Variants in TST observed in about 807,000 individuals in gnomAD.
TST encodes thiosulfate sulfurtransferase.
Under a neutral mutation model 20.4 loss-of-function variants are expected in TST, and 22 were observed. The ratio of observed to expected loss-of-function variants is 1.08; its 90% CI spans 0.77 to 1.54. TST has a LOEUF of 1.54. TST is among the 40% of genes most tolerant of loss of function. The probability of loss-of-function intolerance (pLI) is 0.00; values close to 1 mark genes in which losing one functional copy is unlikely to be tolerated. For missense variants in TST, 392 were observed against 405.2 expected (o/e 0.97, Z 0.28); for synonymous variants, 187 against 173.8 (o/e 1.08, Z -0.60).
intron 2 of TST, among the ~76,000 whole-genome samples, chr22:37,017,510 A>C (rs1423172893): frequency 6.6e-6 from 1 of 152,062 alleles, no homozygotes; most frequent in Non-Finnish European, 1.5e-5. Flanking sequence ...CCCCGCTGCC[A>C]AAACAGGGGC....
chr22:37,016,037 G>A lies in TST; in HGVS notation c.595+2101C>T, dbSNP rs1274592360. Among the ~76,000 whole-genome samples the A allele has an allele frequency of 4.8e-5, 7 of 144,916 alleles. No individual in the cohort carries two copies. In the East Asian group the frequency reaches 8.0e-4, roughly 17 times the overall value. Reference sequence around the variant, plus strand: ...TGGCTCACTGCAACCTCCACCTCCCGGGTTCAAGCGATTCTCCTGCCTCAG... The same window carrying A: ...TGGCTCACTGCAACCTCCACCTCCCAGGTTCAAGCGATTCTCCTGCCTCAG... On this transcript the variant is annotated intron_variant, in intron 2 of 2. Transcript: ENST00000249042.
chr22:37,018,851 C>T, intron 1 of TST, 98 bp from the exon 2 acceptor site: 1 of 851,446 alleles, frequency 1.2e-6, no homozygotes. Context: ...TCTCCCTCCG[C>T]ACTCCCCCGG....
In TST at chr22:37,018,649, G is replaced by T. The variant is rs1466108922; in HGVS notation, c.84C>A (p.Gly28=). ...ACCAGGACGCGTCCAGCACCCGCAG[G>T]CCGGGCCCCAGCTTGCCAGTCCTGA... is the stretch of plus-strand genomic sequence containing the variant. The part of the protein sequence containing the change: ...ESIRTGKLGP[G]LRVLDASWYS... Residue 28 remains glycine, a synonymous_variant, in exon 2 of 3, where the codon GGC becomes GGA. Coordinates refer to ENST00000249042, the MANE Select transcript of TST (RefSeq NM_003312.6). 1.9e-6 allele frequency: 3 copies of T among 1,564,350 alleles called. No homozygotes were observed. The highest frequency in any genetic ancestry group is 2.6e-6 in the Non-Finnish European group (3 of 1,154,800).
At chr22:37,011,782 C>A (rs1922488640) in intron 2 of TST, among the ~76,000 whole-genome samples, 1 of 152,230 alleles carries the variant, frequency 6.6e-6, no homozygotes, top group African/African-American at 2.4e-5. Context: ...GCCAGGCCCT[C>A]TGGGAGATTC....
At chr22:37,018,819 G>A (rs983687700) in intron 1 of TST, 66 bp from the exon 2 acceptor site, 6 of 1,174,186 alleles carry the variant, frequency 5.1e-6, no homozygotes, top group Non-Finnish European at 5.8e-6. Flanking sequence ...GTGCAGTAGG[G>A]TGAGGCCTGG....
At chr22:37,011,828 C>T (rs1922490218) in intron 2 of TST, among the ~76,000 whole-genome samples, 1 of 152,206 alleles carries the variant, frequency 6.6e-6, no homozygotes, top group Non-Finnish European at 1.5e-5. Flanking sequence ...AAACAGATAA[C>T]CACATAACTA....
Position 37,018,278 on chromosome 22 carries a change from A to G in TST, c.455T>C (p.Val152Ala). 6.2e-7 allele frequency: 1 copy of G among 1,614,004 alleles called. No homozygotes were observed. The highest frequency in any genetic ancestry group is 8.5e-7 in the Non-Finnish European group (1 of 1,180,004). Residue 152 changes from valine to alanine, a missense_variant, in exon 2 of 3, where the codon GTC becomes GCC. Physicochemically the swap from Val to Ala is moderately conservative, Grantham distance 64 (BLOSUM62 0). Coordinates refer to ENST00000249042, the MANE Select transcript of TST (RefSeq NM_003312.6). ...GGAGCGGTCCAGTGTGGCTTTGAAG[A>G]CGGCCGGTTCTGGGCGTGAGGGCTC... is the stretch of plus-strand genomic sequence containing the variant. ...TSEPSRPEPAVFKATLDRSLL... is the reference protein window; with the variant it reads ...TSEPSRPEPAAFKATLDRSLL...
chr22:37,011,508 A>G (rs1308272151), intron 2 of TST, among the ~76,000 whole-genome samples, 183 bp from the exon 3 acceptor site: 1 of 152,196 alleles, frequency 6.6e-6, no homozygotes, highest in Non-Finnish European at 1.5e-5. Flanking sequence ...ATGACTTAAG[A>G]TGCCTGCAAC....
At chr22:37,019,984 C>G (rs1922941096), upstream of TST, 2 of 518,398 alleles carry the variant, frequency 3.9e-6, no homozygotes, top group Non-Finnish European at 6.0e-6. Flanking sequence ...GGGGCTTAGT[C>G]TAGGAGAGAA....
At chr22:37,019,119 G>A (rs1435449002) in intron 1 of TST, 2 of 181,994 alleles carry the variant, frequency 1.1e-5, no homozygotes, top group Non-Finnish European at 2.3e-5. Flanking sequence ...GGCATCTTGG[G>A]CTTAGAATCC....
chr22:37,014,002 G>C (rs1382308563), intron 2 of TST, among the ~76,000 whole-genome samples: 1 of 152,172 alleles, frequency 6.6e-6, no homozygotes, highest in Non-Finnish European at 1.5e-5. Flanking sequence ...GGAGCTCAGG[G>C]CCTGTCTGGG....
chr22:37,015,697 C>A (rs1284897596), intron 2 of TST, among the ~76,000 whole-genome samples: 1 of 152,212 alleles, frequency 6.6e-6, no homozygotes, highest in Non-Finnish European at 1.5e-5. Context: ...AGGTCTGCCA[C>A]CCCCATGCCC....
Position 37,018,644 on chromosome 22 carries a change from C to A in TST, c.89G>T (p.Arg30Leu). 1 of 1,567,432 alleles carries A rather than the reference C, an allele frequency of 6.4e-7. No homozygotes were observed. The highest frequency in any genetic ancestry group is 8.6e-7 in the Non-Finnish European group (1 of 1,156,072). The change falls in exon 2 of 3, where the codon CGG becomes CTG. Residue 30 changes from arginine to leucine, a missense_variant. Arg to Leu is a moderately radical substitution (Grantham distance 102). Transcript: ENST00000249042. ...TGAGTACCAGGACGCGTCCAGCACCCGCAGGCCGGGCCCCAGCTTGCCAGT... is the reference window on the plus strand; with the variant it reads ...TGAGTACCAGGACGCGTCCAGCACCAGCAGGCCGGGCCCCAGCTTGCCAGT... The part of the protein sequence containing the change: ...IRTGKLGPGL[R>L]VLDASWYSPG...
upstream of TST, chr22:37,020,003 G>A: frequency 2.2e-6 from 1 of 456,850 alleles, no homozygotes; most frequent in Non-Finnish European, 3.6e-6. Context: ...AAGGCGCGCC[G>A]CTACGTTGGC....
rs372373118 is a variant in TST, at chr22:37,012,719, G to A, written c.596-1394C>T. ...ACAGCCAAGCAGGCCCTGAACCTCCGAGCCTCAGTCTCCCTCCTGCAGAAC... is the reference window on the plus strand; with the variant it reads ...ACAGCCAAGCAGGCCCTGAACCTCCAAGCCTCAGTCTCCCTCCTGCAGAAC... On this transcript the variant is annotated intron_variant, in intron 2 of 2. Transcript: ENST00000249042. Among the ~76,000 whole-genome samples the A allele has an allele frequency of 1.5e-4, 23 of 152,270 alleles. No homozygotes were observed. The South Asian group carries it at 4.6e-3, about 30-fold the overall frequency.
chr22:37,011,214 T>A lies in TST; in HGVS notation c.707A>T (p.Lys236Met). The A allele has an allele frequency of 6.2e-7, 1 of 1,613,964 alleles. No individual in the cohort carries two copies. The highest frequency in any genetic ancestry group is 1.1e-5 in the South Asian group (1 of 91,080). ...PEELRALFQT[K>M]KVDLSQPLIA... ...GAGAGGCTGCGAGAGATCCACCTTC[T>A]TGGTCTGGAACAGAGCACGGAGCTC... is the stretch of plus-strand genomic sequence containing the variant. Residue 236 changes from lysine (K) to methionine (M), a missense_variant, in exon 3 of 3, where the codon AAG becomes ATG. Physicochemically the swap from Lys to Met is moderately conservative, Grantham distance 95. Transcript: ENST00000249042.
chr22:37,019,230 C>G (rs1175949280), intron 1 of TST, 170 bp downstream of exon 1: 1 of 157,054 alleles, frequency 6.4e-6, no homozygotes, highest in Non-Finnish European at 1.4e-5. Context: ...CCGAGCTCGC[C>G]CGCCTCCAGA....
At chr22:37,019,468 C>T (rs1451706369), upstream of TST, 2 of 150,058 alleles carry the variant, frequency 1.3e-5, no homozygotes, top group Admixed American at 1.3e-4. Context: ...AACCCCCGGC[C>T]GCAGCTCCCC....
At position 37,016,492 on chromosome 22, in the gene TST, G is replaced by A. The variant is rs550542133; in HGVS notation, c.595+1646C>T. 2.6e-5 allele frequency among the ~76,000 whole-genome samples: 4 copies of A among 152,204 alleles called. No homozygotes were observed. In the Middle Eastern group the frequency reaches 0.014, roughly 518 times the overall value. On this transcript the variant is annotated intron_variant, in intron 2 of 2. Transcript: ENST00000249042. ...CTTCAGGAGGCATTACCCACTGCAGGCCATTCTCCTCCTCTGAGCCTCAGT... is the reference window on the plus strand; with the variant it reads ...CTTCAGGAGGCATTACCCACTGCAGACCATTCTCCTCCTCTGAGCCTCAGT...
Sources: allele counts gnomAD v4.1 joint callset (sites outside exome capture counted in the v4.1 genomes callset), GRCh38; gene constraint gnomAD v4.1.1; transcripts MANE v1.5; gene names NCBI Gene and HGNC (gene_info 2026-07-23, HGNC 2026-07-21).